Variants in NRXN1 observed in about 807,000 individuals in gnomAD.
NRXN1 encodes neurexin-1.
In NRXN1, 39 loss-of-function variants were observed where a neutral mutation model predicts 150.9. The ratio of observed to expected loss-of-function variants is 0.26; its 90% CI spans 0.20 to 0.34. NRXN1 has a LOEUF of 0.34. Ranked by LOEUF, NRXN1 falls within the 10% of genes least tolerant of loss-of-function variation. The pLI is 1.00. For synonymous variants in NRXN1, 924 were observed against 757.0 expected (o/e 1.22, Z -3.62); for missense variants, 1,815 against 1,949.9 (o/e 0.93, Z 1.30).
chr2:50,394,646 TC>T (rs1302087246), intron 17 of NRXN1, among the ~76,000 whole-genome samples: 2 of 152,018 alleles, frequency 1.3e-5, no homozygotes, highest in African/African-American at 4.8e-5. Flanking sequence ...TTTTTTTTCC[TC>T]CCTCTTCTCT....
At chr2:50,927,651 G>A (rs1188065743) in intron 2 of NRXN1, among the ~76,000 whole-genome samples, 1 of 151,984 alleles carries the variant, frequency 6.6e-6, no homozygotes, top group African/African-American at 2.4e-5. Context: ...TACTTTTCCT[G>A]TATATTAACT....
chr2:50,236,948 G>T lies in NRXN1; in HGVS notation c.3387C>A (p.Ser1129Arg), dbSNP rs1184494801. ...TATACGTGATTTGTCCACCACCTTTGCTAAAGATATATGTCGTCCCAGCTG... is the reference window on the plus strand; with the variant it reads ...TATACGTGATTTGTCCACCACCTTTTCTAAAGATATATGTCGTCCCAGCTG... The part of the protein sequence containing the change: ...CNDPGTTYIF[S>R]KGGGQITYKW... The change falls in exon 18 of 23, where the codon AGC (serine) becomes AGA (arginine). Residue 1129 changes from serine (S) to arginine (R), a missense_variant. Transcript: ENST00000401669. 5 of 1,613,082 alleles carry T rather than the reference G, an allele frequency of 3.1e-6. No individual in the cohort carries two copies. Among genetic ancestry groups the T allele is most frequent in the South Asian group, 1.1e-5 (1 of 91,072 alleles).
intron 17 of NRXN1, among the ~76,000 whole-genome samples, chr2:50,410,542 C>G (rs1313171169): frequency 1.3e-5 from 2 of 152,170 alleles, no homozygotes; most frequent in African/African-American, 2.4e-5. Context: ...CACTCATTCT[C>G]CCAAAGACCA....
chr2:50,278,716 T>G (rs1230150645), intron 17 of NRXN1, among the ~76,000 whole-genome samples: 1 of 152,136 alleles, frequency 6.6e-6, no homozygotes, highest in East Asian at 1.9e-4. Flanking sequence ...AACCCCTTTA[T>G]GTCCAAAACG....
intron 19 of NRXN1, among the ~76,000 whole-genome samples, chr2:50,088,894 TC>T: frequency 6.6e-6 from 1 of 152,136 alleles, no homozygotes; most frequent in South Asian, 2.1e-4. Flanking sequence ...ATGTGCACAG[TC>T]AAATAAAATA....
chr2:50,453,588 A>T (rs1287452234), intron 17 of NRXN1, among the ~76,000 whole-genome samples: 1 of 152,212 alleles, frequency 6.6e-6, no homozygotes, highest in Admixed American at 6.5e-5. Context: ...AATCACGCAA[A>T]CTAAGTCTCT....
intron 2 of NRXN1, chr2:51,026,576 T>A: frequency 2.9e-6 from 2 of 700,328 alleles, no homozygotes. Flanking sequence ...ACTACCCAGA[T>A]AAATGTCATT....
At chr2:50,237,215 G>A (rs2065534522) in intron 17 of NRXN1, among the ~76,000 whole-genome samples, 1 of 152,054 alleles carries the variant, frequency 6.6e-6, no homozygotes, top group Non-Finnish European at 1.5e-5. Flanking sequence ...ACAAATAGTA[G>A]GTTATTGTGT....
At chr2:50,550,108 A>G (rs1180255468) in intron 9 of NRXN1, among the ~76,000 whole-genome samples, 4 of 152,152 alleles carry the variant, frequency 2.6e-5, no homozygotes, top group African/African-American at 9.6e-5. Context: ...TATTACATTC[A>G]TATAGTTAGA....
At chr2:50,811,059 G>C (rs141753270) in intron 5 of NRXN1, among the ~76,000 whole-genome samples, 1 of 152,040 alleles carries the variant, frequency 6.6e-6, no homozygotes, top group Admixed American at 6.6e-5. Context: ...TAACCTAAAA[G>C]AATTATAGGG....
At chr2:50,829,599 A>T in intron 5 of NRXN1, 1 of 1,611,928 alleles carries the variant, frequency 6.2e-7, no homozygotes, top group South Asian at 1.1e-5. Context: ...TGTGCTGGAG[A>T]GCCTTGAATA....
intron 22 of NRXN1, among the ~76,000 whole-genome samples, chr2:49,928,133 A>C (rs1325797795): frequency 6.6e-6 from 1 of 152,038 alleles, no homozygotes; most frequent in Non-Finnish European, 1.5e-5. Flanking sequence ...GTGGTTAAAA[A>C]AAAAAACATA....
At chr2:51,009,346 G>C (rs567837369) in intron 2 of NRXN1, 1 of 152,006 alleles carries the variant, frequency 6.6e-6, no homozygotes, top group South Asian at 2.1e-4. Context: ...TGCAACAAAT[G>C]CATATTTGGA....
chr2:50,521,050 G>C (rs938338534), intron 12 of NRXN1, among the ~76,000 whole-genome samples: 2 of 152,022 alleles, frequency 1.3e-5, no homozygotes, highest in Non-Finnish European at 2.9e-5. Flanking sequence ...AATTCTTTAA[G>C]TTGTATAGAA....
intron 18 of NRXN1, among the ~76,000 whole-genome samples, chr2:50,148,299 T>G (rs2058483919): frequency 6.6e-6 from 1 of 151,558 alleles, no homozygotes; most frequent in Non-Finnish European, 1.5e-5. Context: ...TAACCTCTGT[T>G]TATGTCAGTT....
intron 5 of NRXN1, among the ~76,000 whole-genome samples, chr2:50,714,371 G>A (rs928943560): frequency 3.9e-5 from 6 of 152,038 alleles, no homozygotes; most frequent in African/African-American, 1.4e-4. Context: ...TTTTTTCAGT[G>A]TCATTGCCTT....
chr2:50,162,747 T>C (rs1180973530), intron 18 of NRXN1, among the ~76,000 whole-genome samples: 1 of 152,110 alleles, frequency 6.6e-6, no homozygotes, highest in Admixed American at 6.6e-5. Context: ...CTATTCTGCC[T>C]AACCTCATGG....
At chr2:50,858,575 TAA>T (rs35706466) in intron 5 of NRXN1, among the ~76,000 whole-genome samples, 7 of 150,264 alleles carry the variant, frequency 4.7e-5, no homozygotes, top group African/African-American at 7.3e-5. Flanking sequence ...AAAGGCTACT[TAA>T]AAAAAAAATG....
At chr2:50,314,932 T>C (rs2152967794) in intron 17 of NRXN1, among the ~76,000 whole-genome samples, 1 of 152,184 alleles carries the variant, frequency 6.6e-6, no homozygotes, top group African/African-American at 2.4e-5. Context: ...CAACATCTTT[T>C]CCCAACTTAC....
Sources: gnomAD v4.1 joint callset for allele counts (sites outside exome capture counted in the v4.1 genomes callset) on GRCh38, gnomAD v4.1.1 for gene constraint, MANE v1.5 for transcripts, NCBI Gene and HGNC (gene_info 2026-07-23, HGNC 2026-07-21) for gene names.